Variants in IGF2R observed in about 807,000 individuals in gnomAD.
IGF2R encodes the protein cation-independent mannose-6-phosphate receptor.
A neutral mutation model predicts 270.6 loss-of-function variants in IGF2R; 91 were observed. The ratio of observed to expected loss-of-function variants is 0.34; its 90% CI spans 0.28 to 0.40. The LOEUF (loss-of-function observed/expected upper bound fraction) is 0.40, where lower values mean the gene tolerates loss of function less well. IGF2R is among the 10% of genes least tolerant of loss of function. IGF2R has a pLI of 1.00. For missense variants in IGF2R, 2,805 were observed against 3,188.3 expected (o/e 0.88, Z 2.90); for synonymous variants, 1,316 against 1,258.9 (o/e 1.05, Z -0.96).
intron 11 of IGF2R, among the ~76,000 whole-genome samples, chr6:160,042,042 C>A (rs1040448234): frequency 3.3e-5 from 5 of 151,754 alleles, no homozygotes; most frequent in African/African-American, 1.2e-4. Flanking sequence ...AACCTAGGAT[C>A]TATGAGATAA....
intron 2 of IGF2R, among the ~76,000 whole-genome samples, chr6:159,996,914 C>G (rs937794661): frequency 1.3e-5 from 2 of 152,206 alleles, no homozygotes; most frequent in African/African-American, 4.8e-5. Context: ...AGTGGAAATG[C>G]AGCTTCCCCT....
At chr6:160,043,384 C>T in intron 12 of IGF2R, 96 bp downstream of exon 12, 2 of 1,332,466 alleles carry the variant, frequency 1.5e-6, no homozygotes, top group South Asian at 1.5e-5. Flanking sequence ...ATCTAAGCCT[C>T]CTCTTTCTAT....
At chr6:159,976,508 T>A (rs879865610) in intron 1 of IGF2R, among the ~76,000 whole-genome samples, 1 of 152,166 alleles carries the variant, frequency 6.6e-6, no homozygotes, top group East Asian at 1.9e-4. Flanking sequence ...ACTCAGTAAC[T>A]TCTACATCAT....
intron 4 of IGF2R, among the ~76,000 whole-genome samples, chr6:160,022,170 A>T (rs1176376381): frequency 6.6e-6 from 1 of 152,220 alleles, no homozygotes; most frequent in Non-Finnish European, 1.5e-5. Context: ...TCTCACTTAT[A>T]AGTGGGAACT....
chr6:159,986,430 GTTT>G (rs5741634), intron 1 of IGF2R, among the ~76,000 whole-genome samples: 4,613 of 116,712 alleles, frequency 0.04, 181 homozygotes, highest in East Asian at 0.1. Flanking sequence ...GTGTGTGTGT[GTTT>G]TTTTTTTTTT....
chr6:160,007,105 T>C (rs9364541), intron 2 of IGF2R: 40,481 of 151,748 alleles, frequency 0.27, 5,881 homozygotes, highest in East Asian at 0.57. Flanking sequence ...GTGGATCTGC[T>C]GAAGTTAATT....
intron 34 of IGF2R, 59 bp downstream of exon 34, chr6:160,073,528 C>T: frequency 6.3e-7 from 1 of 1,583,790 alleles, no homozygotes. Flanking sequence ...GCACCCGGGC[C>T]CCTTCGTCAG....
chr6:160,102,044 T>A lies in IGF2R; in HGVS notation c.6843-475T>A, dbSNP rs1779497957. On this transcript the variant is annotated intron_variant, in intron 45 of 47. Transcript: ENST00000356956. The surrounding 1 kb of genome is among the most constrained non-coding windows in gnomAD (Gnocchi z 4.5). ...CGCCCCTGGGCCCCGTCCTGGCCTG[T>A]TTCTAAGGCCCCCTGGGCCCCTTTC... is the stretch of plus-strand genomic sequence containing the variant. 6.6e-6 allele frequency among the ~76,000 whole-genome samples: 1 copy of A among 152,124 alleles called. No individual in the cohort carries two copies. Among genetic ancestry groups the A allele is most frequent in the Non-Finnish European group, 1.5e-5 (1 of 68,012 alleles).
rs772168682 is a variant in IGF2R, at chr6:160,084,104, C to A, written c.5988C>A (p.Phe1996Leu). The A allele has an allele frequency of 6.2e-7, 1 of 1,614,048 alleles. No individual in the cohort carries two copies. Among genetic ancestry groups the A allele is most frequent in the East Asian group, 2.2e-5 (1 of 44,896 alleles). ...VCPPKKLECK[F>L]VQKHKTYDLR... is the part of the protein sequence containing the mutation. ...CTCCAAAGAAGTTGGAGTGCAAATTCGTCCAGAAACACAAAACCTACGACC... is the reference window on the plus strand; with the variant it reads ...CTCCAAAGAAGTTGGAGTGCAAATTAGTCCAGAAACACAAAACCTACGACC... The change falls in exon 40 of 48, where the codon TTC becomes TTA. Residue 1996 changes from phenylalanine to leucine, a missense_variant. This residue lies in a region of IGF2R where 1,851 missense variants were observed against 2,207.2 expected (regional missense o/e 0.84). Transcript: ENST00000356956. This position sits in a 1 kb window ranked among gnomAD's most constrained non-coding sequence, Gnocchi z 4.6.
intron 4 of IGF2R, among the ~76,000 whole-genome samples, chr6:160,023,138 G>A (rs189753638): frequency 7.0e-4 from 106 of 152,256 alleles, no homozygotes; most frequent in African/African-American, 2.5e-3. Context: ...CTGGAATTGG[G>A]GGGCCAGTTA....
At chr6:160,070,499 A>G (rs1778695364) in intron 31 of IGF2R, among the ~76,000 whole-genome samples, 1 of 152,172 alleles carries the variant, frequency 6.6e-6, no homozygotes, top group Non-Finnish European at 1.5e-5. Context: ...CATGAGGCAT[A>G]CTTGTCCTGC....
chr6:160,063,920 C>G (rs972964319), intron 27 of IGF2R, among the ~76,000 whole-genome samples: 1 of 152,126 alleles, frequency 6.6e-6, no homozygotes, highest in African/African-American at 2.4e-5. Context: ...AGTGAGCTAG[C>G]CAGTGTTGGA....
intron 1 of IGF2R, among the ~76,000 whole-genome samples, chr6:159,975,231 A>G (rs1171380513): frequency 6.6e-6 from 1 of 152,178 alleles, no homozygotes; most frequent in Non-Finnish European, 1.5e-5. Context: ...AATTTGCTAG[A>G]GTGACTTACA....
chr6:160,066,900 G>C lies in IGF2R; in HGVS notation c.4116-1349G>C, dbSNP rs565289913. 3.3e-5 allele frequency among the ~76,000 whole-genome samples: 5 copies of C among 152,308 alleles called. 1 individual carries two copies. The highest frequency in any genetic ancestry group is 3.3e-4 in the Admixed American group (5 of 15,302). Reference sequence around the variant, plus strand: ...CTTTCCCTTCCTGCCACCTGCCCCTGGTTTGGGCACTCCTCCTCTCGTGCG... The same window carrying C: ...CTTTCCCTTCCTGCCACCTGCCCCTCGTTTGGGCACTCCTCCTCTCGTGCG... On this transcript the variant is annotated intron_variant, in intron 29 of 47. Transcript: ENST00000356956.
Position 160,029,536 on chromosome 6 carries a change from T to C in IGF2R, c.777-14T>C. 1 of 1,563,214 alleles carries C rather than the reference T, an allele frequency of 6.4e-7. No individual in the cohort carries two copies. Among genetic ancestry groups the C allele is most frequent in the South Asian group, 1.1e-5 (1 of 89,930 alleles). ...TACTTTTGTAATACTCTTTTCTCAATGTGGCTCTCCCAGGCTTGTCCTGAG... is the reference window on the plus strand; with the variant it reads ...TACTTTTGTAATACTCTTTTCTCAACGTGGCTCTCCCAGGCTTGTCCTGAG... On this transcript the variant is annotated splice_polypyrimidine_tract_variant and intron_variant, in intron 6 of 47. Transcript: ENST00000356956.
At chr6:160,104,171 G>C (rs890660565) in intron 47 of IGF2R, among the ~76,000 whole-genome samples, 2 of 152,128 alleles carry the variant, frequency 1.3e-5, no homozygotes, top group Non-Finnish European at 2.9e-5. Context: ...TTGCAGAAAA[G>C]AGGCATTATC....
At chr6:159,991,103 A>T in intron 1 of IGF2R, 81 bp from the exon 2 acceptor site, 1 of 1,350,078 alleles carries the variant, frequency 7.4e-7, no homozygotes, top group Non-Finnish European at 1.0e-6. Flanking sequence ...TTTTAAGCAA[A>T]TGTGGCTTGA....
intron 39 of IGF2R, among the ~76,000 whole-genome samples, chr6:160,081,957 C>G (rs947489828): frequency 2.0e-5 from 3 of 152,198 alleles, no homozygotes; most frequent in Non-Finnish European, 4.4e-5. Context: ...GCAATCATCA[C>G]AGGGTCCTGA....
intron 19 of IGF2R, among the ~76,000 whole-genome samples, chr6:160,053,357 T>C (rs1489774881): frequency 6.6e-6 from 1 of 152,152 alleles, no homozygotes; most frequent in African/African-American, 2.4e-5. Context: ...GGCACATGTA[T>C]ACCTATGTAT....
Sources: allele counts gnomAD v4.1 joint callset (sites outside exome capture counted in the v4.1 genomes callset), GRCh38; gene constraint gnomAD v4.1.1; regional missense constraint gnomAD v4.1.1; non-coding constraint Gnocchi (gnomAD v3.1); transcripts MANE v1.5; gene names NCBI Gene and HGNC (gene_info 2026-07-23, HGNC 2026-07-21).